BABAM2: variants seen among roughly 807,000 people sequenced by gnomAD.
The protein encoded by BABAM2 is BRISC and BRCA1 A complex member 2, also known as BRISC and BRCA1-A complex member 2.
A neutral mutation model predicts 54.7 loss-of-function variants in BABAM2; 31 were observed. The ratio of observed to expected loss-of-function variants is 0.57; its 90% CI spans 0.43 to 0.77. BABAM2 has a LOEUF of 0.77. BABAM2 is among the 30% of genes least tolerant of loss of function. BABAM2 has a pLI of 0.00. For synonymous variants in BABAM2, 167 were observed against 162.9 expected (o/e 1.03, Z -0.19); for missense variants, 364 against 455.8 (o/e 0.80, Z 1.83).
chr2:28,302,434 G>A (rs1399421806), intron 11 of BABAM2, among the ~76,000 whole-genome samples: 3 of 148,904 alleles, frequency 2.0e-5, no homozygotes, highest in Admixed American at 6.7e-5. Flanking sequence ...AAAAAAAAAT[G>A]TATCTGTTAT....
At chr2:28,216,480 C>T (rs1436780168) in intron 7 of BABAM2, among the ~76,000 whole-genome samples, 1 of 152,162 alleles carries the variant, frequency 6.6e-6, no homozygotes, top group Non-Finnish European at 1.5e-5. Context: ...AGTTCATCTT[C>T]CTTGGAATGA....
intron 3 of BABAM2, among the ~76,000 whole-genome samples, chr2:27,943,921 G>A (rs145453545): frequency 0.013 from 2,012 of 152,160 alleles, 39 homozygotes; most frequent in African/African-American, 0.046. Flanking sequence ...AGATATTCAG[G>A]ATTCCTTTGT....
intron 4 of BABAM2, among the ~76,000 whole-genome samples, chr2:27,997,182 A>C (rs1025517259): frequency 6.6e-6 from 1 of 152,216 alleles, no homozygotes; most frequent in Non-Finnish European, 1.5e-5. Flanking sequence ...CTTTTATATG[A>C]AAACCTAGGT....
chr2:28,206,706 A>G (rs990017941), intron 7 of BABAM2, among the ~76,000 whole-genome samples: 23 of 152,200 alleles, frequency 1.5e-4, no homozygotes, highest in African/African-American at 5.3e-4. Flanking sequence ...TAAATTGCAC[A>G]AAGATTCTTT....
At chr2:27,963,469 CAAAAAAAAAAAAAAA>C (rs760525051) in intron 3 of BABAM2, among the ~76,000 whole-genome samples, 1 of 54,402 alleles carries the variant, frequency 1.8e-5, no homozygotes, top group African/African-American at 6.3e-5. Context: ...GACTCTTTCT[CAAAAAAAAAAAAAAA>C]AAAAAAAAAG....
chr2:28,267,859 A>G (rs1453910402), intron 10 of BABAM2, among the ~76,000 whole-genome samples: 10 of 152,250 alleles, frequency 6.6e-5, no homozygotes, highest in Admixed American at 6.5e-4. Flanking sequence ...GTTGATGAGC[A>G]CATGTTCAAG....
intron 7 of BABAM2, among the ~76,000 whole-genome samples, chr2:28,216,608 C>T (rs1296307608): frequency 1.3e-5 from 2 of 152,126 alleles, no homozygotes; most frequent in Non-Finnish European, 2.9e-5. Context: ...AGCCAACATC[C>T]AATATCGTAC....
At chr2:28,012,878 T>G (rs1381542298) in intron 4 of BABAM2, among the ~76,000 whole-genome samples, 18 of 152,118 alleles carry the variant, frequency 1.2e-4, no homozygotes, top group Admixed American at 1.2e-3. Context: ...GATCAAGAGA[T>G]GTGGTTTAAA....
chr2:28,076,988 T>C (rs1322106094), intron 6 of BABAM2, among the ~76,000 whole-genome samples: 1 of 152,176 alleles, frequency 6.6e-6, no homozygotes, highest in Non-Finnish European at 1.5e-5. Flanking sequence ...TAATTAGAAA[T>C]TGGCAGTAGG....
intron 3 of BABAM2, among the ~76,000 whole-genome samples, chr2:27,974,098 G>A (rs78722073): frequency 1.9e-3 from 296 of 152,022 alleles, no homozygotes; most frequent in Middle Eastern, 3.4e-3. Flanking sequence ...GATTATCTTG[G>A]GTGAATTCTA....
chr2:28,076,157 C>G (rs767997434), intron 6 of BABAM2, among the ~76,000 whole-genome samples: 1 of 151,992 alleles, frequency 6.6e-6, no homozygotes, highest in South Asian at 2.1e-4. Context: ...CACTTGTATT[C>G]CAGCATACAA....
At chr2:27,893,280 A>G (rs1050654123) in intron 1 of BABAM2, among the ~76,000 whole-genome samples, 1 of 152,190 alleles carries the variant, frequency 6.6e-6, no homozygotes, top group African/African-American at 2.4e-5. Flanking sequence ...ATGAGTTTCC[A>G]GATAATTTAG....
intron 6 of BABAM2, among the ~76,000 whole-genome samples, chr2:28,058,866 T>G (rs867332184): frequency 2.0e-5 from 3 of 152,164 alleles, no homozygotes; most frequent in African/African-American, 7.2e-5. Flanking sequence ...TTGAATGTAT[T>G]TTACAAATCC....
At chr2:28,140,730 A>T (rs10170879) in intron 7 of BABAM2, among the ~76,000 whole-genome samples, 95,918 of 151,948 alleles carry the variant, frequency 0.63, 30,906 homozygotes, top group Middle Eastern at 0.74. Flanking sequence ...ATGTGCTGTA[A>T]GTATATGTGC....
chr2:27,999,031 CTTTGTAGCATTGTAT>C (rs1673381795), intron 4 of BABAM2, among the ~76,000 whole-genome samples: 1 of 151,974 alleles, frequency 6.6e-6, no homozygotes, highest in Non-Finnish European at 1.5e-5. Flanking sequence ...TTATATACAC[CTTTGTAGCATTGTAT>C]TCTGTCTAGT....
At chr2:28,221,321 G>A (rs1680391876) in intron 7 of BABAM2, among the ~76,000 whole-genome samples, 1 of 152,122 alleles carries the variant, frequency 6.6e-6, no homozygotes, top group Non-Finnish European at 1.5e-5. Flanking sequence ...TGGGACAGTG[G>A]GCCTCAAGTC....
intron 11 of BABAM2, among the ~76,000 whole-genome samples, chr2:28,314,935 C>T (rs1689385915): frequency 6.9e-6 from 1 of 145,828 alleles, no homozygotes; most frequent in South Asian, 2.2e-4. Context: ...CCACTGAAGA[C>T]AAGAGCAGTA....
At chr2:28,046,642 A>G (rs1262326459) in intron 6 of BABAM2, among the ~76,000 whole-genome samples, 1 of 152,180 alleles carries the variant, frequency 6.6e-6, no homozygotes, top group Non-Finnish European at 1.5e-5. Flanking sequence ...AAAAGACAGA[A>G]TCTTTGTACA....
rs115198414 is a variant in BABAM2, at chr2:28,327,463, T to C, written c.1089-10987T>C. On this transcript the variant is annotated intron_variant, in intron 11 of 11. Transcript: ENST00000379624. Reference sequence around the variant, plus strand: ...GATCACTTTGGTAAGTATTTAAAAATACCCTGTGATTTAGCAGGAACCAGA... The same window carrying C: ...GATCACTTTGGTAAGTATTTAAAAACACCCTGTGATTTAGCAGGAACCAGA... The C allele has an allele frequency of 1.5e-4, 234 of 1,547,858 alleles. No homozygotes were observed. In the African/African-American group the frequency reaches 3.0e-3, roughly 20 times the overall value.
Sources: gnomAD v4.1 joint callset for allele counts (sites outside exome capture counted in the v4.1 genomes callset) on GRCh38, gnomAD v4.1.1 for gene constraint, MANE v1.5 for transcripts, NCBI Gene and HGNC (gene_info 2026-07-23, HGNC 2026-07-21) for gene names.